CDK6: variants seen among roughly 807,000 people sequenced by gnomAD.
CDK6 encodes cyclin-dependent kinase 6.
In CDK6, 6 loss-of-function variants were observed where a neutral mutation model predicts 37.1. That is an observed-to-expected ratio of 0.16 (90% confidence interval 0.09 to 0.32). The LOEUF is 0.32. CDK6 is among the 10% of genes least tolerant of loss of function. The probability of loss-of-function intolerance (pLI) is 1.00; values close to 1 mark genes in which losing one functional copy is unlikely to be tolerated. For synonymous variants in CDK6, 160 were observed against 161.3 expected (o/e 0.99, Z 0.06); for missense variants, 224 against 418.9 (o/e 0.53, Z 4.06).
intron 4 of CDK6, among the ~76,000 whole-genome samples, chr7:92,704,585 A>G (rs1364768976): frequency 6.6e-6 from 1 of 152,204 alleles, no homozygotes; most frequent in Non-Finnish European, 1.5e-5. Flanking sequence ...CATATGCTTT[A>G]TAACTTTCTT....
intron 3 of CDK6, among the ~76,000 whole-genome samples, chr7:92,738,985 T>C (rs1464426654): frequency 6.6e-6 from 1 of 152,190 alleles, no homozygotes; most frequent in Non-Finnish European, 1.5e-5. Context: ...CAGAACAATT[T>C]GCACATCTCT....
chr7:92,725,444 T>A (rs749886708), intron 4 of CDK6, 182 bp downstream of exon 4: 8 of 702,602 alleles, frequency 1.1e-5, no homozygotes, highest in South Asian at 6.4e-5. Flanking sequence ...CCAGGCTGGA[T>A]GTGACTGTAG....
At chr7:92,815,022 G>T (rs1039687829) in intron 2 of CDK6, among the ~76,000 whole-genome samples, 2 of 152,120 alleles carry the variant, frequency 1.3e-5, no homozygotes, top group Non-Finnish European at 2.9e-5. Context: ...CAAGCCATGA[G>T]GGCACCGTGG....
chr7:92,741,173 G>C (rs1171460454), intron 3 of CDK6, among the ~76,000 whole-genome samples: 1 of 152,148 alleles, frequency 6.6e-6, no homozygotes, highest in Non-Finnish European at 1.5e-5. Flanking sequence ...GGGTAATTCT[G>C]ACATGTAAAC....
At chr7:92,785,726 G>T (rs1800113627) in intron 2 of CDK6, among the ~76,000 whole-genome samples, 1 of 152,160 alleles carries the variant, frequency 6.6e-6, no homozygotes, top group Non-Finnish European at 1.5e-5. Flanking sequence ...CACACCATTT[G>T]GAGCTGCAGT....
At chr7:92,775,470 T>C (rs1051672042) in intron 2 of CDK6, among the ~76,000 whole-genome samples, 4 of 152,228 alleles carry the variant, frequency 2.6e-5, no homozygotes, top group Admixed American at 6.5e-5. Flanking sequence ...TAGGGGGACC[T>C]GCATTGGTAA....
At chr7:92,692,171 C>T (rs1004275157) in intron 4 of CDK6, among the ~76,000 whole-genome samples, 2 of 151,870 alleles carry the variant, frequency 1.3e-5, no homozygotes, top group Non-Finnish European at 2.9e-5. Context: ...GAGGCTGAGG[C>T]AGGAGAATTG....
At chr7:92,709,864 T>C (rs1798047784) in intron 4 of CDK6, among the ~76,000 whole-genome samples, 1 of 152,246 alleles carries the variant, frequency 6.6e-6, no homozygotes, top group African/African-American at 2.4e-5. Flanking sequence ...TAAGGAATCA[T>C]AGTCCTGGTG....
At chr7:92,762,837 C>T (rs1799490796) in intron 3 of CDK6, among the ~76,000 whole-genome samples, 1 of 152,168 alleles carries the variant, frequency 6.6e-6, no homozygotes, top group Admixed American at 6.5e-5. Flanking sequence ...TCCCAAAGTG[C>T]TGGGATTACA....
At position 92,712,870 on chromosome 7, in the gene CDK6, G is replaced by GTA. The variant is rs553763210; in HGVS notation, c.537+12754_537+12755dup. Among the ~76,000 whole-genome samples the GTA allele has an allele frequency of 7.8e-4, 117 of 149,442 alleles. 3 individuals carry two copies. In the South Asian group the frequency reaches 0.023, roughly 30 times the overall value. On this transcript the variant is annotated intron_variant, in intron 4 of 7. Coordinates refer to ENST00000424848, the MANE Select transcript of CDK6 (RefSeq NM_001145306.2). ...TGTATGTATGTATGTATGTATGTAT[G>GTA]TATGTATGTATTTATTTATTTGAGA...
chr7:92,628,241 CT>C (rs1795973404), intron 5 of CDK6, among the ~76,000 whole-genome samples: 1 of 151,970 alleles, frequency 6.6e-6, no homozygotes, highest in African/African-American at 2.4e-5. Context: ...CTGCATTTTT[CT>C]ACTTTTCTAT....
At chr7:92,754,454 T>C (rs1179986431) in intron 3 of CDK6, among the ~76,000 whole-genome samples, 1 of 152,192 alleles carries the variant, frequency 6.6e-6, no homozygotes, top group Non-Finnish European at 1.5e-5. Flanking sequence ...AAGAAACCAT[T>C]CTTTTCCCCC....
At position 92,833,564 on chromosome 7, in the gene CDK6, T is replaced by TCGCCGCCGC. The variant is rs552308183; in HGVS notation, c.-250_-242dup. ...CCGCCGCGAAACTCCGCCTGCAGAG[T>TCGCCGCCGC]CGCCGCCGCCGCCGCCGCCGGAGGA... is the stretch of plus-strand genomic sequence containing the variant. On this transcript the variant is annotated 5_prime_UTR_variant, in exon 2 of 8. Coordinates refer to ENST00000424848, the MANE Select transcript of CDK6 (RefSeq NM_001145306.2). This position sits in a 1 kb window ranked among gnomAD's most constrained non-coding sequence, Gnocchi z 6.1. 3.7e-6 allele frequency: 2 copies of TCGCCGCCGC among 535,904 alleles called. No homozygotes were observed. The highest frequency in any genetic ancestry group is 2.6e-5 in the South Asian group (1 of 38,370). The allele number at this position is 535,904 out of a possible 1,614,324, so 33.2% of individuals were successfully genotyped here.
At chr7:92,639,792 G>C (rs1796259860) in intron 5 of CDK6, among the ~76,000 whole-genome samples, 1 of 152,162 alleles carries the variant, frequency 6.6e-6, no homozygotes, top group South Asian at 2.1e-4. Context: ...CAACTGAATA[G>C]CCTGGCACTT....
At chr7:92,726,568 G>A (rs1798517347) in intron 3 of CDK6, among the ~76,000 whole-genome samples, 1 of 152,050 alleles carries the variant, frequency 6.6e-6, no homozygotes, top group South Asian at 2.1e-4. Flanking sequence ...ATGCCACCAT[G>A]CTAGGCTAAT....
At chr7:92,640,556 T>C (rs1288030878) in intron 5 of CDK6, among the ~76,000 whole-genome samples, 1 of 152,212 alleles carries the variant, frequency 6.6e-6, no homozygotes, top group Non-Finnish European at 1.5e-5. Context: ...TCCCAGCTTT[T>C]GGTCCTGACA....
At chr7:92,810,346 T>C (rs192715960) in intron 2 of CDK6, among the ~76,000 whole-genome samples, 19 of 152,290 alleles carry the variant, frequency 1.2e-4, no homozygotes, top group Admixed American at 1.1e-3. Flanking sequence ...TAGTATTAGG[T>C]AGAAAAACTA....
chr7:92,699,393 G>A (rs1264620756), intron 4 of CDK6, among the ~76,000 whole-genome samples: 2 of 152,160 alleles, frequency 1.3e-5, no homozygotes, highest in African/African-American at 4.8e-5. Context: ...TACTAATAAT[G>A]CCTCTTGGTA....
chr7:92,699,092 C>A (rs1441320793), intron 4 of CDK6, among the ~76,000 whole-genome samples: 1 of 152,164 alleles, frequency 6.6e-6, no homozygotes, highest in Non-Finnish European at 1.5e-5. Context: ...AAAATAGTAA[C>A]TGATATCTTC....
Sources: gnomAD v4.1 joint callset for allele counts (sites outside exome capture counted in the v4.1 genomes callset) on GRCh38, gnomAD v4.1.1 for gene constraint, Gnocchi (gnomAD v3.1) non-coding constraint, MANE v1.5 for transcripts, NCBI Gene and HGNC (gene_info 2026-07-23, HGNC 2026-07-21) for gene names.